Variants in PTPRM observed in about 807,000 individuals in gnomAD.
The protein encoded by PTPRM is receptor-type tyrosine-protein phosphatase mu.
PTPRM carries 47 observed loss-of-function variants against 186.7 expected under a neutral mutation model. That is an observed-to-expected ratio of 0.25 (90% CI 0.20 to 0.32). PTPRM has a LOEUF of 0.32. Ranked by LOEUF, PTPRM falls within the 10% of genes least tolerant of loss-of-function variation. PTPRM has a pLI of 1.00. For missense variants in PTPRM, 1,494 were observed against 1,865.0 expected (o/e 0.80, Z 3.66); for synonymous variants, 668 against 674.9 (o/e 0.99, Z 0.16).
intron 32 of PTPRM, chr18:8,403,051 C>G (rs2148651044): frequency 6.6e-6 from 1 of 152,236 alleles, no homozygotes; most frequent in Non-Finnish European, 1.5e-5. Flanking sequence ...TAAATATGAT[C>G]CAACCCCCTG....
chr18:7,590,595 G>A (rs1431156165), intron 1 of PTPRM, among the ~76,000 whole-genome samples: 7 of 152,176 alleles, frequency 4.6e-5, no homozygotes, highest in Non-Finnish European at 1.0e-4. Context: ...CGACAATAGA[G>A]AGTGGATTAA....
intron 11 of PTPRM, among the ~76,000 whole-genome samples, chr18:8,099,158 T>TC (rs113780929): frequency 0.02 from 3,002 of 151,128 alleles, 31 homozygotes; most frequent in South Asian, 0.034. Context: ...TCTCTCTCTC[T>TC]TTCTCTCTCT....
intron 29 of PTPRM, among the ~76,000 whole-genome samples, chr18:8,381,223 G>A (rs2095733016): frequency 6.6e-6 from 1 of 151,944 alleles, no homozygotes; most frequent in African/African-American, 2.4e-5. Flanking sequence ...TTATTGCTTT[G>A]GGATGTGCCT....
At chr18:8,163,640 A>C (rs2093270855) in intron 14 of PTPRM, among the ~76,000 whole-genome samples, 1 of 152,236 alleles carries the variant, frequency 6.6e-6, no homozygotes, top group Non-Finnish European at 1.5e-5. Flanking sequence ...ATTAAAATTA[A>C]CTGAAGTTAT....
chr18:8,007,409 C>T (rs940083011), intron 7 of PTPRM, among the ~76,000 whole-genome samples: 3 of 152,252 alleles, frequency 2.0e-5, no homozygotes, highest in African/African-American at 7.2e-5. Context: ...AGAGGAGCCT[C>T]ACTTACTTGC....
At chr18:8,300,691 G>T (rs968059587) in intron 20 of PTPRM, among the ~76,000 whole-genome samples, 1 of 152,056 alleles carries the variant, frequency 6.6e-6, no homozygotes, top group Non-Finnish European at 1.5e-5. Context: ...GACCTCTGGG[G>T]CTACGTTTTC....
At chr18:8,349,297 T>C (rs543403939) in intron 23 of PTPRM, among the ~76,000 whole-genome samples, 38 of 152,358 alleles carry the variant, frequency 2.5e-4, no homozygotes, top group African/African-American at 8.9e-4. Context: ...TCGTTTTTAC[T>C]ACAAAATCTC....
intron 1 of PTPRM, among the ~76,000 whole-genome samples, chr18:7,641,108 G>A (rs1241090300): frequency 6.6e-6 from 1 of 152,052 alleles, no homozygotes; most frequent in Admixed American, 6.5e-5. Flanking sequence ...TCTTTGTCCC[G>A]GAGCTAAAGC....
chr18:7,867,888 T>C (rs1194960214), intron 2 of PTPRM, among the ~76,000 whole-genome samples: 2 of 152,184 alleles, frequency 1.3e-5, no homozygotes, highest in Non-Finnish European at 2.9e-5. Flanking sequence ...GAGGCTTTGT[T>C]TGTTCCTTTT....
Position 8,109,741 on chromosome 18 carries a change from C to CA in PTPRM, c.1857-3738dup, listed in dbSNP as rs574992516. 2.8e-4 allele frequency among the ~76,000 whole-genome samples: 43 copies of CA among 152,066 alleles called. No homozygotes were observed. The South Asian group carries it at 8.7e-3, about 31-fold the overall frequency. ...CAGTGCCTGACACCTATTAGGCACT[C>CA]AAAAAAATTTGTTGAAATAATAAAT... On this transcript the variant is annotated intron_variant, in intron 11 of 32. Transcript: ENST00000580170.
intron 5 of PTPRM, among the ~76,000 whole-genome samples, chr18:7,937,602 G>T (rs146965669): frequency 6.6e-6 from 1 of 152,218 alleles, no homozygotes; most frequent in Non-Finnish European, 1.5e-5. Flanking sequence ...AGGTAAAGGT[G>T]CCACTGGCCA....
chr18:8,316,197 A>T (rs1265299232), intron 21 of PTPRM, among the ~76,000 whole-genome samples: 1 of 152,020 alleles, frequency 6.6e-6, no homozygotes, highest in African/African-American at 2.4e-5. Context: ...CACCGTTCAC[A>T]CTCCAGTCCC....
chr18:7,901,492 G>C (rs182437950), intron 3 of PTPRM, among the ~76,000 whole-genome samples: 1 of 152,064 alleles, frequency 6.6e-6, no homozygotes, highest in East Asian at 1.9e-4. Flanking sequence ...TCAGGCTCCC[G>C]AGTAGCTGGG....
chr18:8,258,415 C>T (rs1038919143), intron 19 of PTPRM, among the ~76,000 whole-genome samples: 4 of 152,116 alleles, frequency 2.6e-5, no homozygotes, highest in Admixed American at 6.5e-5. Context: ...TGCCCTGAAC[C>T]CTCACACCCA....
chr18:8,160,816 G>C (rs1025585042), intron 14 of PTPRM, among the ~76,000 whole-genome samples: 1 of 152,172 alleles, frequency 6.6e-6, no homozygotes, highest in African/African-American at 2.4e-5. Context: ...AAGGGTGTTT[G>C]ATAAGCATCT....
chr18:7,636,999 C>T (rs138680320), intron 1 of PTPRM, among the ~76,000 whole-genome samples: 2,606 of 151,952 alleles, frequency 0.017, 81 homozygotes, highest in African/African-American at 0.059. Context: ...GAAACCCCAT[C>T]TCTACTAAAA....
At chr18:8,405,180 A>AG (rs2095897610) in intron 32 of PTPRM, 1 of 151,808 alleles carries the variant, frequency 6.6e-6, no homozygotes, top group African/African-American at 2.4e-5. Flanking sequence ...AAAAAAAAAA[A>AG]AAAGAAAGGA....
At chr18:7,609,547 G>A (rs1412305544) in intron 1 of PTPRM, among the ~76,000 whole-genome samples, 2 of 146,364 alleles carry the variant, frequency 1.4e-5, no homozygotes, top group East Asian at 4.0e-4. Context: ...TTAAAGGCAA[G>A]CCCTGTCTTC....
At chr18:7,628,681 T>C (rs564396854) in intron 1 of PTPRM, among the ~76,000 whole-genome samples, 1 of 152,324 alleles carries the variant, frequency 6.6e-6, no homozygotes, top group South Asian at 2.1e-4. Flanking sequence ...TGACTGTTAA[T>C]AATTCAGTCA....
Sources: allele counts gnomAD v4.1 joint callset (sites outside exome capture counted in the v4.1 genomes callset), GRCh38; gene constraint gnomAD v4.1.1; transcripts MANE v1.5; gene names NCBI Gene and HGNC (gene_info 2026-07-23, HGNC 2026-07-21).